PRKN: variants seen among roughly 807,000 people sequenced by gnomAD.
The protein encoded by PRKN is E3 ubiquitin-protein ligase parkin.
PRKN carries 56 observed loss-of-function variants against 59.5 expected under a neutral mutation model. The ratio of observed to expected loss-of-function variants is 0.94; its 90% CI spans 0.76 to 1.18. The LOEUF is 1.18. Ranked by LOEUF, PRKN falls within the 50% of genes most tolerant of loss-of-function variation. The probability of loss-of-function intolerance (pLI) is 0.00; values close to 1 mark genes in which losing one functional copy is unlikely to be tolerated. For synonymous variants in PRKN, 250 were observed against 222.1 expected (o/e 1.13, Z -1.12); for missense variants, 657 against 596.4 (o/e 1.10, Z -1.06).
intron 7 of PRKN, among the ~76,000 whole-genome samples, chr6:161,672,513 T>G (rs1226250842): frequency 2.0e-5 from 3 of 152,222 alleles, no homozygotes; most frequent in Non-Finnish European, 2.9e-5. Flanking sequence ...CAGTGGCTCA[T>G]GTCTGTAATC....
At chr6:161,365,998 A>C (rs1785181351) in intron 10 of PRKN, among the ~76,000 whole-genome samples, 1 of 152,062 alleles carries the variant, frequency 6.6e-6, no homozygotes, top group South Asian at 2.1e-4. Flanking sequence ...TCCTTCACAG[A>C]CTCTGCAACT....
At chr6:161,656,318 G>A (rs929820864) in intron 7 of PRKN, among the ~76,000 whole-genome samples, 1 of 152,160 alleles carries the variant, frequency 6.6e-6, no homozygotes, top group African/African-American at 2.4e-5. Flanking sequence ...TCACACTTCT[G>A]TTCCTCCCCG....
chr6:161,550,014 G>A lies in PRKN; in HGVS notation c.934-1011C>T, dbSNP rs906802556. ...AGGTGGAGATTTCAATTTTAAAGAG[G>A]TGATTACAGAATGCCTTACAAAGCA... On this transcript the variant is annotated intron_variant, in intron 8 of 11. Transcript: ENST00000366898. This position sits in a 1 kb window ranked among gnomAD's most constrained non-coding sequence, Gnocchi z 4.0. Among the ~76,000 whole-genome samples the A allele has an allele frequency of 6.6e-6, 1 of 152,170 alleles. No homozygotes were observed. The highest frequency in any genetic ancestry group is 2.1e-4 in the South Asian group (1 of 4,818).
chr6:161,683,190 G>A (rs73597170), intron 7 of PRKN, among the ~76,000 whole-genome samples: 3,012 of 152,226 alleles, frequency 0.02, 125 homozygotes, highest in African/African-American at 0.068. Flanking sequence ...GAAGAAGGAC[G>A]GCTTCCCTGG....
In PRKN at chr6:162,643,412, A is replaced by AAAAAAG. The variant is rs71784410; in HGVS notation, c.7+84249_7+84250insCTTTTT. Among the ~76,000 whole-genome samples, 964 of 139,342 alleles carry AAAAAAG rather than the reference A, an allele frequency of 6.9e-3. 24 individuals carry two copies. The highest frequency in any genetic ancestry group is 0.038 in the East Asian group (165 of 4,382). The allele number at this position is 139,342 out of a possible 152,430, so 91.4% of individuals were successfully genotyped here. ...GACTCTGCCTCAAAAAAAAAAAAAA[A>AAAAAAG]AAAGAAAGAAAGAACAACAAGCATA... On this transcript the variant is annotated intron_variant, in intron 1 of 11. Transcript: ENST00000366898.
chr6:161,902,552 A>ATCTATTTTTTTTTTTTTTT (rs1343265664), intron 6 of PRKN, among the ~76,000 whole-genome samples: 1 of 121,052 alleles, frequency 8.3e-6, no homozygotes, highest in East Asian at 2.5e-4. Flanking sequence ...CTATCTATTT[A>ATCTATTTTTTTTTTTTTTT]TTTATTTATT....
chr6:161,781,701 C>T (rs894879062), intron 7 of PRKN, among the ~76,000 whole-genome samples: 14 of 151,912 alleles, frequency 9.2e-5, no homozygotes, highest in African/African-American at 3.4e-4. Flanking sequence ...CAACAGTGTG[C>T]TATACAGAAA....
chr6:162,220,796 G>A (rs1435014121), intron 3 of PRKN, among the ~76,000 whole-genome samples: 1 of 152,218 alleles, frequency 6.6e-6, no homozygotes, highest in African/African-American at 2.4e-5. Context: ...AACACTTACC[G>A]AATGACTGAA....
chr6:162,648,384 C>CT lies in PRKN; in HGVS notation c.7+79277dup, dbSNP rs10644990. 2.5e-3 allele frequency among the ~76,000 whole-genome samples: 367 copies of CT among 144,372 alleles called. 9 individuals are homozygous for CT. The highest frequency in any genetic ancestry group is 5.7e-3 in the East Asian group (28 of 4,936). The allele number at this position is 144,372 out of a possible 152,430, so 94.7% of individuals were successfully genotyped here. A position where few individuals can be genotyped will look rare whatever the true frequency, so the allele number is the denominator to read the frequency against. On this transcript the variant is annotated intron_variant, in intron 1 of 11. Coordinates refer to ENST00000366898, the MANE Select transcript of PRKN (RefSeq NM_004562.3). ...GGTAATTAAATCCTTGGTGTTCTTT[C>CT]TTTTTTTATTTTTTTAAGATGGAGT...
intron 6 of PRKN, among the ~76,000 whole-genome samples, chr6:161,922,646 G>T (rs1202302149): frequency 6.6e-6 from 1 of 152,150 alleles, no homozygotes; most frequent in Admixed American, 6.5e-5. Context: ...ACATAGGTCA[G>T]CATTAAGTTG....
chr6:161,864,230 C>T (rs1794021502), intron 6 of PRKN, among the ~76,000 whole-genome samples: 1 of 152,168 alleles, frequency 6.6e-6, no homozygotes, highest in African/African-American at 2.4e-5. Context: ...CCTCTCAAAC[C>T]CTGCTGCTGC....
intron 7 of PRKN, among the ~76,000 whole-genome samples, chr6:161,719,809 T>C (rs190819793): frequency 3.3e-5 from 5 of 152,326 alleles, no homozygotes; most frequent in Non-Finnish European, 1.5e-5. Flanking sequence ...TTTTTAAATA[T>C]TTTGTAGAGA....
intron 1 of PRKN, among the ~76,000 whole-genome samples, chr6:162,640,592 A>G (rs1357474073): frequency 2.0e-5 from 3 of 152,216 alleles, no homozygotes; most frequent in Non-Finnish European, 1.5e-5. Context: ...AATAACCACA[A>G]TTAAATTAGT....
intron 7 of PRKN, among the ~76,000 whole-genome samples, chr6:161,650,255 G>A (rs57985302): frequency 0.016 from 2,464 of 152,238 alleles, 15 homozygotes; most frequent in Middle Eastern, 0.034. Flanking sequence ...TTTTCTTTAT[G>A]AGTTTGTACA....
chr6:161,478,213 G>A (rs1258487500), intron 9 of PRKN, among the ~76,000 whole-genome samples: 3 of 152,080 alleles, frequency 2.0e-5, no homozygotes, highest in East Asian at 1.9e-4. Flanking sequence ...CCTGAACAAC[G>A]GGCATAAAGC....
chr6:162,372,617 T>C (rs1785828961), intron 2 of PRKN, among the ~76,000 whole-genome samples: 1 of 152,166 alleles, frequency 6.6e-6, no homozygotes, highest in South Asian at 2.1e-4. Flanking sequence ...CTATGCTCAC[T>C]ACTTGCGTTG....
rs557816471 is a variant in PRKN, at chr6:162,223,018, C to T, written c.413-21766G>A. Among the ~76,000 whole-genome samples, 16 of 134,722 alleles carry T rather than the reference C, an allele frequency of 1.2e-4. 1 individual carries two copies. In the South Asian group the frequency reaches 3.2e-3, roughly 27 times the overall value. The allele number at this position is 134,722 out of a possible 152,430, so 88.4% of individuals were successfully genotyped here. ...TGCTATCCCTCCCCCCTCCCCCCAC[C>T]GCACAATAGTCCCCAGAGTGTGATG... is the stretch of plus-strand genomic sequence containing the variant. On this transcript the variant is annotated intron_variant, in intron 3 of 11. Transcript: ENST00000366898.
chr6:161,714,477 T>G (rs1786888283), intron 7 of PRKN, among the ~76,000 whole-genome samples: 1 of 152,192 alleles, frequency 6.6e-6, no homozygotes, highest in Admixed American at 6.5e-5. Flanking sequence ...AGAGCAGCCC[T>G]CACCAGACAC....
At chr6:161,716,342 T>C (rs139975725) in intron 7 of PRKN, among the ~76,000 whole-genome samples, 1 of 152,334 alleles carries the variant, frequency 6.6e-6, no homozygotes, top group Non-Finnish European at 1.5e-5. Context: ...GCATGAAATA[T>C]AGCTGGCTGC....
Sources: allele counts gnomAD v4.1 joint callset (sites outside exome capture counted in the v4.1 genomes callset), GRCh38; gene constraint gnomAD v4.1.1; non-coding constraint Gnocchi (gnomAD v3.1); transcripts MANE v1.5; gene names NCBI Gene and HGNC (gene_info 2026-07-23, HGNC 2026-07-21).